DPP6: variants seen among roughly 807,000 people sequenced by gnomAD.
DPP6 encodes the protein dipeptidyl peptidase like 6, also known as A-type potassium channel modulatory protein DPP6.
DPP6 carries 69 observed loss-of-function variants against 122.6 expected under a neutral mutation model. That is an observed-to-expected ratio of 0.56 (90% CI 0.46 to 0.69). DPP6 has a LOEUF of 0.69. Among genes scored for constraint, DPP6 ranks in the 30% least tolerant of loss-of-function variants. The probability of loss-of-function intolerance (pLI) is 0.00; values close to 1 mark genes in which losing one functional copy is unlikely to be tolerated. For missense variants in DPP6, 928 were observed against 1,116.9 expected (o/e 0.83, Z 2.41); for synonymous variants, 418 against 433.1 (o/e 0.97, Z 0.43).
chr7:154,648,849 G>A (rs1836678384), intron 6 of DPP6, among the ~76,000 whole-genome samples: 1 of 151,886 alleles, frequency 6.6e-6, no homozygotes, highest in African/African-American at 2.4e-5. Context: ...AACCCAGGAG[G>A]CAGAGGTTGC....
the DPP6 span, among the ~76,000 whole-genome samples, chr7:153,836,579 A>C: frequency 6.6e-6 from 1 of 152,172 alleles, no homozygotes; most frequent in Non-Finnish European, 1.5e-5. Context: ...GTAAAAAGAG[A>C]ATAATGACAT....
chr7:154,757,632 CT>C (rs1488773851), intron 8 of DPP6, among the ~76,000 whole-genome samples: 3 of 152,206 alleles, frequency 2.0e-5, no homozygotes, highest in African/African-American at 7.2e-5. Flanking sequence ...TCCTCCCTAG[CT>C]GGGGAGATCC....
chr7:154,645,527 A>T (rs1179927375), intron 6 of DPP6, among the ~76,000 whole-genome samples: 1 of 152,118 alleles, frequency 6.6e-6, no homozygotes, highest in African/African-American at 2.4e-5. Flanking sequence ...ATCACCAAAA[A>T]ATGTGGACTT....
At chr7:153,766,699 T>A in the DPP6 span, among the ~76,000 whole-genome samples, 1 of 152,116 alleles carries the variant, frequency 6.6e-6, no homozygotes, top group Admixed American at 6.6e-5. Context: ...ACATGCTGAG[T>A]TTCTCATCCC....
chr7:154,123,423 G>A (rs2150611791), intron 1 of DPP6, among the ~76,000 whole-genome samples: 1 of 152,266 alleles, frequency 6.6e-6, no homozygotes. Flanking sequence ...AAAATTGTTA[G>A]GGGTATAGCT....
chr7:154,846,130 A>C (rs184443638), intron 16 of DPP6, among the ~76,000 whole-genome samples: 76 of 152,134 alleles, frequency 5.0e-4, no homozygotes, highest in Non-Finnish European at 9.0e-4. Flanking sequence ...AGTTATGCAA[A>C]TTATTTTTGG....
rs1315242826 is a variant in DPP6, at chr7:154,060,452, C to T, written c.243+7389C>T. Among the ~76,000 whole-genome samples the T allele has an allele frequency of 3.7e-4, 53 of 141,498 alleles. 7 individuals are homozygous for T. Among genetic ancestry groups the T allele is most frequent in the African/African-American group, 1.4e-3 (51 of 35,574 alleles). 92.8% of individuals were successfully genotyped at this position (141,498 alleles called of 152,430 possible). On this transcript the variant is annotated intron_variant, in intron 1 of 25. Transcript: ENST00000377770. ...GCGAGGCGGGGACTGCGAGCCAGACCCTCTTCCCCCTCTGGCTTAGGACCT... is the reference window on the plus strand; with the variant it reads ...GCGAGGCGGGGACTGCGAGCCAGACTCTCTTCCCCCTCTGGCTTAGGACCT...
At chr7:153,998,375 T>G (rs2628975) in intron 1 of DPP6, among the ~76,000 whole-genome samples, 23 of 152,342 alleles carry the variant, frequency 1.5e-4, no homozygotes, top group Admixed American at 2.0e-4. Context: ...AGCAACCACT[T>G]ACATTGTTTT....
Position 154,701,722 on chromosome 7 carries a change from G to A in DPP6, c.763-26045G>A, listed in dbSNP as rs529650803. 3.9e-5 allele frequency among the ~76,000 whole-genome samples: 6 copies of A among 152,176 alleles called. No individual in the cohort carries two copies. The South Asian group carries it at 6.2e-4, about 16-fold the overall frequency. On this transcript the variant is annotated intron_variant, in intron 7 of 25. Coordinates refer to ENST00000377770, the MANE Select transcript of DPP6 (RefSeq NM_130797.4). ...GGTTCATAAATCTCCAGACTGCATC[G>A]GGCTCTACCTTCATTGGGCCAGAAA...
intron 7 of DPP6, among the ~76,000 whole-genome samples, chr7:154,671,382 G>T (rs73494048): frequency 0.026 from 3,887 of 152,258 alleles, 153 homozygotes; most frequent in African/African-American, 0.088. Context: ...AGTGATCATT[G>T]TCCAGCCTTT....
chr7:154,240,270 G>A (rs138375664), intron 1 of DPP6, among the ~76,000 whole-genome samples: 3 of 152,030 alleles, frequency 2.0e-5, no homozygotes, highest in Non-Finnish European at 2.9e-5. Context: ...TACTGCCAGC[G>A]TAGATTGTCT....
chr7:154,205,785 T>A (rs963014567), intron 1 of DPP6, among the ~76,000 whole-genome samples: 4 of 136,752 alleles, frequency 2.9e-5, no homozygotes, highest in South Asian at 2.3e-4. Context: ...AAAAAAAAAA[T>A]TAATTAATTA....
intron 1 of DPP6, among the ~76,000 whole-genome samples, chr7:154,409,826 T>C (rs1470302789): frequency 6.6e-6 from 1 of 152,204 alleles, no homozygotes; most frequent in Non-Finnish European, 1.5e-5. Context: ...CAACATACCA[T>C]GGTTCTGTAG....
chr7:154,143,838 C>T (rs868688391), intron 1 of DPP6, among the ~76,000 whole-genome samples: 11 of 149,514 alleles, frequency 7.4e-5, no homozygotes, highest in East Asian at 5.8e-4. Flanking sequence ...TCCAATTATA[C>T]GCAATAGCAC....
At chr7:154,062,147 C>A in intron 1 of DPP6, among the ~76,000 whole-genome samples, 1 of 100,878 alleles carries the variant, frequency 9.9e-6, no homozygotes, top group East Asian at 2.7e-4. Context: ...AGACCCTCAT[C>A]CCCCACCGGC....
intron 1 of DPP6, among the ~76,000 whole-genome samples, chr7:154,382,433 T>C (rs894898564): frequency 6.6e-6 from 1 of 152,238 alleles, no homozygotes; most frequent in African/African-American, 2.4e-5. Flanking sequence ...AAGATGTCAG[T>C]TGAATCTTAA....
chr7:154,783,644 T>C (rs1797163579), intron 10 of DPP6, among the ~76,000 whole-genome samples: 1 of 152,180 alleles, frequency 6.6e-6, no homozygotes, highest in Non-Finnish European at 1.5e-5. Context: ...AACGTTCCTG[T>C]AGAGTCTCCC....
intron 8 of DPP6, among the ~76,000 whole-genome samples, chr7:154,741,394 G>A (rs986268419): frequency 3.3e-5 from 5 of 152,208 alleles, no homozygotes; most frequent in African/African-American, 9.6e-5. Flanking sequence ...CAGCACATCC[G>A]TGCATTCAGC....
At chr7:153,772,977 A>T in the DPP6 span, among the ~76,000 whole-genome samples, 8 of 96,522 alleles carry the variant, frequency 8.3e-5, no homozygotes, top group Admixed American at 2.4e-4. Context: ...GAAAAGACTT[A>T]TATATTATAT....
Sources: allele counts gnomAD v4.1 joint callset (sites outside exome capture counted in the v4.1 genomes callset), GRCh38; gene constraint gnomAD v4.1.1; transcripts MANE v1.5; gene names NCBI Gene and HGNC (gene_info 2026-07-23, HGNC 2026-07-21).